RASGRF2: variants seen among roughly 807,000 people sequenced by gnomAD.
The protein encoded by RASGRF2 is ras-specific guanine nucleotide-releasing factor 2.
Under a neutral mutation model 151.0 loss-of-function variants are expected in RASGRF2, and 76 were observed. The ratio of observed to expected loss-of-function variants is 0.50; its 90% CI spans 0.42 to 0.61. RASGRF2 has a LOEUF of 0.61. RASGRF2 is among the 20% of genes least tolerant of loss of function. RASGRF2 has a pLI of 0.00. For missense variants in RASGRF2, 1,148 were observed against 1,564.6 expected (o/e 0.73, Z 4.49); for synonymous variants, 504 against 566.5 (o/e 0.89, Z 1.57).
At chr5:81,115,297 G>A (rs1233694477) in intron 15 of RASGRF2, among the ~76,000 whole-genome samples, 1 of 152,176 alleles carries the variant, frequency 6.6e-6, no homozygotes, top group Non-Finnish European at 1.5e-5. Flanking sequence ...AAATTGACAA[G>A]TTAGCAACTA....
intron 24 of RASGRF2, chr5:81,217,017 C>A: frequency 4.4e-6 from 2 of 455,446 alleles, no homozygotes; most frequent in Non-Finnish European, 8.7e-6. Context: ...AGGTTTCCCT[C>A]CAAGCTTCTA....
chr5:81,037,334 A>G (rs538684131), intron 1 of RASGRF2, among the ~76,000 whole-genome samples: 4 of 152,328 alleles, frequency 2.6e-5, no homozygotes, highest in African/African-American at 9.6e-5. Flanking sequence ...TTAGTTGAAT[A>G]TAGAATTCTA....
At chr5:81,001,995 T>C (rs553143944) in intron 1 of RASGRF2, among the ~76,000 whole-genome samples, 1 of 152,334 alleles carries the variant, frequency 6.6e-6, no homozygotes, top group East Asian at 1.9e-4. Context: ...GGTCAGTTTA[T>C]CTACGAAGAG....
chr5:81,077,659 A>G (rs929166863), intron 5 of RASGRF2, among the ~76,000 whole-genome samples: 1 of 152,232 alleles, frequency 6.6e-6, no homozygotes, highest in African/African-American at 2.4e-5. Context: ...CAGGCAGTAC[A>G]GCATTCTGGT....
chr5:81,014,096 G>A (rs1053469707), intron 1 of RASGRF2, among the ~76,000 whole-genome samples: 1 of 151,612 alleles, frequency 6.6e-6, no homozygotes, highest in Non-Finnish European at 1.5e-5. Flanking sequence ...AACTTCTTGT[G>A]GTCTATTTTC....
intron 2 of RASGRF2, among the ~76,000 whole-genome samples, chr5:81,058,734 C>T (rs1221239613): frequency 7.3e-6 from 1 of 136,444 alleles, no homozygotes; most frequent in East Asian, 2.2e-4. Flanking sequence ...GCCTGAGAGG[C>T]CGCTGTACTC....
chr5:81,095,273 T>A (rs1752515082), intron 12 of RASGRF2, among the ~76,000 whole-genome samples: 2 of 152,178 alleles, frequency 1.3e-5, no homozygotes, highest in African/African-American at 4.8e-5. Flanking sequence ...TTGAACAGTA[T>A]TGAGATTGCC....
intron 4 of RASGRF2, among the ~76,000 whole-genome samples, chr5:81,072,849 G>A (rs1751820745): frequency 1.3e-5 from 2 of 152,146 alleles, no homozygotes; most frequent in South Asian, 4.2e-4. Context: ...AGCTCTGTCG[G>A]TTATTTTATA....
intron 5 of RASGRF2, among the ~76,000 whole-genome samples, 189 bp downstream of exon 5, chr5:81,073,641 T>C (rs746139362): frequency 1.3e-5 from 2 of 152,038 alleles, no homozygotes; most frequent in East Asian, 1.9e-4. Context: ...TTTTTTGAGA[T>C]GGAGTCTTGC....
intron 17 of RASGRF2, among the ~76,000 whole-genome samples, chr5:81,153,331 A>T: frequency 6.6e-6 from 1 of 152,244 alleles, no homozygotes; most frequent in East Asian, 1.9e-4. Context: ...GGCAGGTCCA[A>T]TATACTCACA....
intron 2 of RASGRF2, among the ~76,000 whole-genome samples, chr5:81,051,884 G>A (rs1413746018): frequency 6.6e-6 from 1 of 152,134 alleles, no homozygotes; most frequent in Non-Finnish European, 1.5e-5. Context: ...TTAACTTTTT[G>A]AGGAGATGCC....
At chr5:81,003,580 T>G (rs1749167611) in intron 1 of RASGRF2, among the ~76,000 whole-genome samples, 1 of 152,176 alleles carries the variant, frequency 6.6e-6, no homozygotes, top group Admixed American at 6.5e-5. Flanking sequence ...CAGGCTGGTC[T>G]TGAACTCCTG....
chr5:80,966,826 A>G (rs1313852832), intron 1 of RASGRF2, among the ~76,000 whole-genome samples: 1 of 152,236 alleles, frequency 6.6e-6, no homozygotes, highest in East Asian at 1.9e-4. Flanking sequence ...AACTTATTAC[A>G]GTGACTACAA....
At chr5:81,170,438 G>C (rs146770019) in intron 17 of RASGRF2, among the ~76,000 whole-genome samples, 1 of 152,340 alleles carries the variant, frequency 6.6e-6, no homozygotes, top group East Asian at 1.9e-4. Context: ...AAGAAGCTTG[G>C]TGATTTTGTC....
chr5:81,060,448 C>CT (rs1751393877), intron 2 of RASGRF2, among the ~76,000 whole-genome samples: 1 of 80,310 alleles, frequency 1.2e-5, no homozygotes, highest in Non-Finnish European at 3.6e-5. Flanking sequence ...ATTGTAACCT[C>CT]TGCCCCCCTA....
In RASGRF2 at chr5:81,225,947, C is replaced by T. The variant is rs1755990658; in HGVS notation, c.*177C>T. The stretch of plus-strand genomic sequence containing the variant: ...GAAACCCAGCTGTTTGGGTCAAAGA[C>T]AGATGCTTCAGACTTGGGTGGGAAG... On this transcript the variant is annotated 3_prime_UTR_variant, in exon 27 of 27. Transcript: ENST00000265080. The T allele has an allele frequency of 3.3e-6, 2 of 598,078 alleles. No homozygotes were observed. The highest frequency in any genetic ancestry group is 5.2e-6 in the Non-Finnish European group (2 of 382,520). 37.0% of individuals were successfully genotyped at this position (598,078 alleles called of 1,614,324 possible).
chr5:81,201,606 T>A, intron 19 of RASGRF2, among the ~76,000 whole-genome samples, 164 bp downstream of exon 19: 1 of 152,170 alleles, frequency 6.6e-6, no homozygotes, highest in East Asian at 1.9e-4. Context: ...CAATTTGGGG[T>A]CTGCTGTCTC....
rs1475218132 is a variant in RASGRF2 at position 81,212,410 on chromosome 5, C to T, written c.3201C>T (p.Val1067=). 1 of 1,613,630 alleles carries T rather than the reference C, an allele frequency of 6.2e-7. No homozygotes were observed. Among genetic ancestry groups the T allele is most frequent in the Non-Finnish European group, 8.5e-7 (1 of 1,179,756 alleles). ...CCCAGATAATGAACTATGCTGATGT[C>T]AGCTCCCGTGCCAACGCCATCGAGA... ...VASQIMNYAD[V]SSRANAIEKW... Residue 1067 remains valine (V), a synonymous_variant, in exon 23 of 27, where the codon GTC becomes GTT. Transcript: ENST00000265080.
chr5:81,105,710 A>C (rs1439008438), intron 12 of RASGRF2, among the ~76,000 whole-genome samples: 2 of 152,270 alleles, frequency 1.3e-5, no homozygotes, highest in Admixed American at 1.3e-4. Flanking sequence ...AAAGAAGTCT[A>C]AGGAGTAGCT....
Sources: allele counts gnomAD v4.1 joint callset (sites outside exome capture counted in the v4.1 genomes callset), GRCh38; gene constraint gnomAD v4.1.1; transcripts MANE v1.5; gene names NCBI Gene and HGNC (gene_info 2026-07-23, HGNC 2026-07-21).